GFI1B: variants seen among roughly 807,000 people sequenced by gnomAD.
GFI1B encodes the protein zinc finger protein Gfi-1b.
GFI1B carries 20 observed loss-of-function variants against 35.3 expected under a neutral mutation model. The observed-to-expected ratio is 0.57, with a 90% confidence interval of 0.40 to 0.82. GFI1B has a LOEUF of 0.82. Among genes scored for constraint, GFI1B ranks in the 40% least tolerant of loss-of-function variants. The pLI is 0.00. For missense variants in GFI1B, 430 were observed against 446.3 expected, an observed-to-expected ratio of 0.96 and a Z score of 0.33; for synonymous variants, 178 against 177.6, an observed-to-expected ratio of 1.00 and a Z score of -0.02.
At chr9:132,957,174 A>T (rs1848295415) in intron 1 of GFI1B, among the ~76,000 whole-genome samples, 1 of 152,246 alleles carries the variant, frequency 6.6e-6, no homozygotes, top group African/African-American at 2.4e-5. Flanking sequence ...TGTAAATTTC[A>T]GGATTCAGGC....
Position 132,986,694 on chromosome 9 carries a change from C to A in GFI1B, c.16C>A (p.Leu6Met). The A allele has an allele frequency of 6.2e-7, 1 of 1,610,922 alleles. No individual in the cohort carries two copies. The highest frequency in any genetic ancestry group is 8.5e-7 in the Non-Finnish European group (1 of 1,178,108). Reference sequence around the variant, plus strand: ...CACACTGAAAATGCCACGCTCCTTCCTGGTGAAGAGCAAGAAGGCTCACAC... The same window carrying A: ...CACACTGAAAATGCCACGCTCCTTCATGGTGAAGAGCAAGAAGGCTCACAC... Reference protein sequence around the residue: MPRSFLVKSKKAHTYH... With the variant: MPRSFMVKSKKAHTYH... Residue 6 changes from leucine (L) to methionine (M), a missense_variant, in exon 2 of 7, where the codon CTG becomes ATG. Physicochemically the swap from Leu to Met is conservative, Grantham distance 15. Coordinates refer to ENST00000372122, the MANE Select transcript of GFI1B (RefSeq NM_001377304.1).
rs1849189642 is a variant in GFI1B, at chr9:132,989,094, G to A, written c.544G>A (p.Val182Met). ...CACCCCTCACGGGCTCGAAGTGCAT[G>A]TGCGACGCTCCCATAGTGGGACCCG... ...FSTPHGLEVH[V>M]RRSHSGTRPF... The change falls in exon 5 of 7, where the codon GTG becomes ATG. Residue 182 changes from valine (V) to methionine (M), a missense_variant. Coordinates refer to ENST00000372122, the MANE Select transcript of GFI1B (RefSeq NM_001377304.1). This position sits in a 1 kb window ranked among gnomAD's most constrained non-coding sequence, Gnocchi z 6.2. 6.2e-7 allele frequency: 1 copy of A among 1,614,106 alleles called. No individual in the cohort carries two copies. The highest frequency in any genetic ancestry group is 8.5e-7 in the Non-Finnish European group (1 of 1,179,942).
At chr9:132,975,906 A>T (rs1848621352), upstream of GFI1B, among the ~76,000 whole-genome samples, 1 of 152,144 alleles carries the variant, frequency 6.6e-6, no homozygotes. Context: ...CCAGGGCTGT[A>T]AGGGCCTGGG....
chr9:132,985,341 C>G (rs576149066), intron 1 of GFI1B, among the ~76,000 whole-genome samples: 1 of 152,300 alleles, frequency 6.6e-6, no homozygotes, highest in Admixed American at 6.5e-5. Flanking sequence ...GGTCCCTTGA[C>G]TGATGTGGTC....
intron 1 of GFI1B, among the ~76,000 whole-genome samples, chr9:132,966,657 G>A (rs1848455204): frequency 6.6e-6 from 1 of 152,234 alleles, no homozygotes; most frequent in Admixed American, 6.5e-5. Context: ...GTGGAGAACA[G>A]GATGTTTGCT....
At chr9:132,970,670 C>T (rs557615261) in intron 1 of GFI1B, among the ~76,000 whole-genome samples, 4 of 152,082 alleles carry the variant, frequency 2.6e-5, no homozygotes, top group Non-Finnish European at 4.4e-5. Context: ...ATCATATGCT[C>T]GGTAATTTCC....
intron 1 of GFI1B, among the ~76,000 whole-genome samples, chr9:132,962,244 T>C (rs1848379029): frequency 6.6e-6 from 1 of 151,790 alleles, no homozygotes; most frequent in Non-Finnish European, 1.5e-5. Context: ...TTCAAGCAGT[T>C]CTCGTGGCTA....
chr9:132,952,059 A>G (rs1437179563), intron 1 of GFI1B: 1 of 152,078 alleles, frequency 6.6e-6, no homozygotes, highest in Non-Finnish European at 1.5e-5. Flanking sequence ...GTGAGCCACC[A>G]TGCCTGACCT....
chr9:132,977,551 G>A (rs1036326341), upstream of GFI1B, among the ~76,000 whole-genome samples: 9 of 152,296 alleles, frequency 5.9e-5, no homozygotes, highest in African/African-American at 1.7e-4. Flanking sequence ...TCCAGCACCC[G>A]GGCTGGAAGA....
intron 1 of GFI1B, among the ~76,000 whole-genome samples, chr9:132,981,261 A>G (rs1397416334): frequency 2.6e-5 from 4 of 152,120 alleles, no homozygotes; most frequent in African/African-American, 7.2e-5. Context: ...CTTTTTGCCT[A>G]TTGTGAATAG....
At chr9:132,988,169 A>C in intron 3 of GFI1B, 28 bp from the exon 4 acceptor site, 1 of 1,611,122 alleles carries the variant, frequency 6.2e-7, no homozygotes, top group Non-Finnish European at 8.5e-7. Context: ...TTAAATGAGT[A>C]ACCAGGCCTG....
At chr9:132,959,653 C>T (rs1259993791) in intron 1 of GFI1B, among the ~76,000 whole-genome samples, 3 of 152,192 alleles carry the variant, frequency 2.0e-5, no homozygotes, top group East Asian at 1.9e-4. Flanking sequence ...TCACAATTCT[C>T]GAGGCCAAAA....
chr9:132,979,191 T>A (rs1310314003), intron 1 of GFI1B, among the ~76,000 whole-genome samples: 2 of 150,842 alleles, frequency 1.3e-5, no homozygotes, highest in East Asian at 2.0e-4. Flanking sequence ...CTGAGTTGTG[T>A]TCCCCCTCGG....
rs1261771560 is a variant in GFI1B, at chr9:132,978,714, AAGG to A, written c.-145_-143del. On this transcript the variant is annotated 5_prime_UTR_variant, in exon 1 of 7. Coordinates refer to ENST00000372122, the MANE Select transcript of GFI1B (RefSeq NM_001377304.1). ...AAAACACACAGAGAGACAGAGCAAA[AAGG>A]AGAAGTATCTATTTGTGCAAAGAGT... 6.6e-6 allele frequency: 1 copy of A among 152,248 alleles called. No individual in the cohort carries two copies. The highest frequency in any genetic ancestry group is 2.4e-5 in the African/African-American group (1 of 41,450). 9.4% of individuals were successfully genotyped at this position (152,248 alleles called of 1,614,324 possible). A position where few individuals can be genotyped will look rare whatever the true frequency, so the allele number is the denominator to read the frequency against.
At chr9:132,968,902 A>G (rs941156633) in intron 1 of GFI1B, among the ~76,000 whole-genome samples, 1 of 152,204 alleles carries the variant, frequency 6.6e-6, no homozygotes, top group Non-Finnish European at 1.5e-5. Flanking sequence ...AACCACCACC[A>G]CAACCATCCA....
At chr9:132,986,902 G>A in intron 2 of GFI1B, 124 bp downstream of exon 2, 1 of 683,526 alleles carries the variant, frequency 1.5e-6, no homozygotes, top group Admixed American at 2.1e-5. Context: ...CAGGAGTGCA[G>A]TAACTGTGGG....
Position 132,985,478 on chromosome 9 carries a change from T to C in GFI1B, c.-20-1181T>C, listed in dbSNP as rs577269243. On this transcript the variant is annotated intron_variant, in intron 1 of 6. Coordinates refer to ENST00000372122, the MANE Select transcript of GFI1B (RefSeq NM_001377304.1). ...CCTCAGGCCTCCAGGTGCAGTGGAG[T>C]TGGGGGTCCTCTCAGGTCTTGAGTC... 4.6e-5 allele frequency among the ~76,000 whole-genome samples: 7 copies of C among 152,100 alleles called. No individual in the cohort carries two copies. The South Asian group carries it at 8.3e-4, about 18-fold the overall frequency.
In GFI1B at chr9:132,960,087, G is replaced by A. The variant is rs542836031; in HGVS notation, c.-700-12638G>A. ...AAAGACTGATCCTACTCTGCTCAAG[G>A]CCAGGTCCAGCCCAGAACCACCCTA... On this transcript the variant is annotated intron_variant, in intron 1 of 10. Coordinates refer to the GFI1B transcript ENST00000339463. Among the ~76,000 whole-genome samples, 7 of 152,296 alleles carry A rather than the reference G, an allele frequency of 4.6e-5. No homozygotes were observed. The South Asian group carries it at 1.5e-3, about 32-fold the overall frequency.
At chr9:132,957,466 A>C (rs1848298838) in intron 1 of GFI1B, among the ~76,000 whole-genome samples, 1 of 152,204 alleles carries the variant, frequency 6.6e-6, no homozygotes, top group Non-Finnish European at 1.5e-5. Context: ...GCACTCATTC[A>C]TTCAACAATG....
Sources: allele counts gnomAD v4.1 joint callset (sites outside exome capture counted in the v4.1 genomes callset), GRCh38; gene constraint gnomAD v4.1.1; non-coding constraint Gnocchi (gnomAD v3.1); transcripts MANE v1.5; gene names NCBI Gene and HGNC (gene_info 2026-07-23, HGNC 2026-07-21).